The following ADGRA2 variants were observed in gnomAD, a reference collection of about 807,000 sequenced individuals.
ADGRA2 encodes adhesion G protein-coupled receptor A2, also known as G-protein coupled receptor 124.
Under a neutral mutation model 98.7 loss-of-function variants are expected in ADGRA2, and 61 were observed. The observed-to-expected ratio is 0.62, with a 90% confidence interval of 0.50 to 0.76. ADGRA2 has a LOEUF of 0.76. Ranked by LOEUF, ADGRA2 falls within the 30% of genes least tolerant of loss-of-function variation. ADGRA2 has a pLI of 0.00. For missense variants in ADGRA2, 1,712 were observed against 1,860.0 expected (o/e 0.92, Z 1.46); for synonymous variants, 858 against 831.5 (o/e 1.03, Z -0.55).
intron 1 of ADGRA2, among the ~76,000 whole-genome samples, chr8:37,806,697 T>C (rs1287560348): frequency 6.6e-6 from 1 of 151,766 alleles, no homozygotes; most frequent in Admixed American, 6.6e-5. Context: ...GTCCAGCTAA[T>C]TTTTGTATTT....
chr8:37,831,039 T>G, intron 7 of ADGRA2, 116 bp downstream of exon 7: 1 of 724,148 alleles, frequency 1.4e-6, no homozygotes, highest in South Asian at 1.8e-5. Context: ...ACTGTGCTTG[T>G]ATATTTATGG....
chr8:37,805,362 A>G (rs975261841), intron 1 of ADGRA2, among the ~76,000 whole-genome samples: 3 of 152,182 alleles, frequency 2.0e-5, no homozygotes, highest in African/African-American at 4.8e-5. Context: ...TATAGCTTCT[A>G]TGGAGGAAAG....
chr8:37,823,288 C>T (rs1805179003), intron 2 of ADGRA2, among the ~76,000 whole-genome samples: 1 of 150,420 alleles, frequency 6.6e-6, no homozygotes, highest in Non-Finnish European at 1.5e-5. Context: ...GCAGCCTTGA[C>T]TTCCTGGGCT....
chr8:37,814,843 T>C lies in ADGRA2; in HGVS notation c.267-53T>C. ...TGGCCCCACCAGTGGTGAAAGCGGA[T>C]GCCCAGCACATAACAGCACCTTGTC... is the stretch of plus-strand genomic sequence containing the variant. On this transcript the variant is annotated intron_variant, in intron 1 of 18. Transcript: ENST00000412232. This position sits in a 1 kb window ranked among gnomAD's most constrained non-coding sequence, Gnocchi z 4.3. 1 of 1,347,774 alleles carries C rather than the reference T, an allele frequency of 7.4e-7. No individual in the cohort carries two copies. Among genetic ancestry groups the C allele is most frequent in the Non-Finnish European group, 1.1e-6 (1 of 937,800 alleles). The allele number at this position is 1,347,774 out of a possible 1,614,324, so 83.5% of individuals were successfully genotyped here.
Position 37,844,439 on chromosome 8 carries a change from G to C in ADGRA2, c.*2084G>C, listed in dbSNP as rs761726764. ...ACACTTCCATCCTTGGTTATAACAG[G>C]AATGTTATCAAGCTGTCAGAACAGG... On this transcript the variant is annotated 3_prime_UTR_variant, in exon 19 of 19. Transcript: ENST00000412232. The C allele has an allele frequency of 6.3e-7, 1 of 1,583,594 alleles. No homozygotes were observed. Among genetic ancestry groups the C allele is most frequent in the Non-Finnish European group, 8.6e-7 (1 of 1,162,224 alleles).
intron 18 of ADGRA2, 64 bp downstream of exon 18, chr8:37,840,913 G>A: frequency 1.1e-6 from 1 of 904,694 alleles, no homozygotes; most frequent in South Asian, 1.3e-5. Context: ...CCACTCCACT[G>A]GCAGGGCCAT....
intron 3 of ADGRA2, 67 bp from the exon 4 acceptor site, chr8:37,829,194 G>A (rs1173031743): frequency 8.3e-7 from 1 of 1,206,558 alleles, no homozygotes; most frequent in Non-Finnish European, 1.2e-6. Flanking sequence ...CCACCCATGT[G>A]TTCCTCACAA....
At chr8:37,828,861 T>C in intron 2 of ADGRA2, 27 bp from the exon 3 acceptor site, 2 of 1,581,844 alleles carry the variant, frequency 1.3e-6, no homozygotes, top group Non-Finnish European at 8.6e-7. Context: ...GGGAGAGGTG[T>C]GAGGGCCTCT....
intron 1 of ADGRA2, among the ~76,000 whole-genome samples, chr8:37,803,653 G>T (rs1437184870): frequency 1.3e-5 from 2 of 152,090 alleles, no homozygotes; most frequent in Non-Finnish European, 1.5e-5. Flanking sequence ...GGGGGAGGGG[G>T]CAGAGAAGCC....
rs530534326 is a variant in ADGRA2 at position 37,807,172 on chromosome 8, C to T, written c.267-7724C>T. On this transcript the variant is annotated intron_variant, in intron 1 of 18. Transcript: ENST00000412232. ...CGGTGTTCAGGGCTGACCTGACAAG[C>T]GTCCAGCCCAGGGAAGGGTGGCAGG... Among the ~76,000 whole-genome samples the T allele has an allele frequency of 2.2e-3, 339 of 152,312 alleles. 1 individual carries two copies. The highest frequency in any genetic ancestry group is 7.7e-3 in the African/African-American group (319 of 41,592).
chr8:37,817,612 G>A (rs1805017026), intron 2 of ADGRA2, among the ~76,000 whole-genome samples: 1 of 152,132 alleles, frequency 6.6e-6, no homozygotes, highest in South Asian at 2.1e-4. Context: ...AGGAGGCTGA[G>A]GTGGGAATCG....
At chr8:37,825,017 C>T (rs1805228225) in intron 2 of ADGRA2, among the ~76,000 whole-genome samples, 1 of 152,178 alleles carries the variant, frequency 6.6e-6, no homozygotes, top group Non-Finnish European at 1.5e-5. Flanking sequence ...CCTCCCTCCA[C>T]ATCTGGCTTA....
rs1477024505 is a variant in ADGRA2, at chr8:37,829,503, C to T, written c.498C>T (p.Asn166=). 3 of 1,613,278 alleles carry T rather than the reference C, an allele frequency of 1.9e-6. No individual in the cohort carries two copies. The South Asian group carries it at 3.3e-5, about 18-fold the overall frequency. Residue 166 remains asparagine (N), a synonymous_variant, in exon 5 of 19, where the codon AAC becomes AAT. Coordinates refer to ENST00000412232, the MANE Select transcript of ADGRA2 (RefSeq NM_032777.10). ...TTCCCTGCAGAAACATATCTGGAAA[C>T]ATCTTCTCCAGTCTGCAACCTGGGG... is the stretch of plus-strand genomic sequence containing the variant. ...PRLLRLNISG[N]IFSSLQPGVF...
chr8:37,799,671 A>G (rs910641016), intron 1 of ADGRA2, among the ~76,000 whole-genome samples: 3 of 151,748 alleles, frequency 2.0e-5, no homozygotes, highest in African/African-American at 7.3e-5. Flanking sequence ...AGCAAAGGTG[A>G]CCCCTAGCTC....
At position 37,841,076 on chromosome 8, in the gene ADGRA2, T is replaced by A; in HGVS notation, c.2748-10T>A. The A allele has an allele frequency of 6.3e-7, 1 of 1,582,130 alleles. No individual in the cohort carries two copies. The highest frequency in any genetic ancestry group is 8.6e-7 in the Non-Finnish European group (1 of 1,164,518). On this transcript the variant is annotated splice_polypyrimidine_tract_variant and intron_variant, in intron 18 of 18. Coordinates refer to ENST00000412232, the MANE Select transcript of ADGRA2 (RefSeq NM_032777.10). The surrounding 1 kb of genome is among the most constrained non-coding windows in gnomAD (Gnocchi z 5.0). ...CCCTGTCCTCATCACTGCTTCTGTG[T>A]CTCCTACAGCTGCTGGCTGGTGTGG...
chr8:37,807,132 C>T (rs2129916960), intron 1 of ADGRA2, among the ~76,000 whole-genome samples: 2 of 152,368 alleles, frequency 1.3e-5, no homozygotes, highest in Admixed American at 1.3e-4. Context: ...CCCTAGGCCT[C>T]CTTCTATTGC....
chr8:37,835,493 T>C, intron 12 of ADGRA2, 61 bp from the exon 13 acceptor site: 1 of 1,488,548 alleles, frequency 6.7e-7, no homozygotes, highest in South Asian at 1.1e-5. Context: ...AGGAGGGGGC[T>C]GCAAGACATC....
rs375651745 is a variant in ADGRA2, at chr8:37,835,365, G to A, written c.1800G>A (p.Arg600=). 3 of 1,612,168 alleles carry A rather than the reference G, an allele frequency of 1.9e-6. No homozygotes were observed. Among genetic ancestry groups the A allele is most frequent in the South Asian group, 2.2e-5 (2 of 91,010 alleles). The change falls in exon 12 of 19, where the codon AGG becomes AGA. Residue 600 remains arginine (R), a synonymous_variant. Transcript: ENST00000412232. ...TCCGCTTCCGCTGCACCACCGGGAGGCCCAATGTTTCTCTGTCGTCCTTCC... is the reference window on the plus strand; with the variant it reads ...TCCGCTTCCGCTGCACCACCGGGAGACCCAATGTTTCTCTGTCGTCCTTCC... ...QQLRFRCTTG[R]PNVSLSSFHI...
At position 37,842,220 on chromosome 8, in the gene ADGRA2, G is replaced by C; in HGVS notation, c.3882G>C (p.Ser1294=). 2 of 1,547,650 alleles carry C rather than the reference G, an allele frequency of 1.3e-6. No homozygotes were observed. Among genetic ancestry groups the C allele is most frequent in the Non-Finnish European group, 1.7e-6 (2 of 1,146,462 alleles). The stretch of plus-strand genomic sequence containing the variant: ...TGGAGAAGGAGAGCCATCGCCGCTC[G>C]TACCCGCTCAACGCCGCCAGCCTAA... ...GALEKESHRR[S]YPLNAASLNG... The change falls in exon 19 of 19, where the codon TCG becomes TCC. Residue 1294 remains serine (S), a synonymous_variant. Transcript: ENST00000412232.
Sources: allele counts gnomAD v4.1 joint callset (sites outside exome capture counted in the v4.1 genomes callset), GRCh38; gene constraint gnomAD v4.1.1; non-coding constraint Gnocchi (gnomAD v3.1); transcripts MANE v1.5; gene names NCBI Gene and HGNC (gene_info 2026-07-23, HGNC 2026-07-21).